The following DEPDC1B variants were observed in gnomAD, a reference collection of about 807,000 sequenced individuals.
The protein encoded by DEPDC1B is DEP domain-containing protein 1B.
In DEPDC1B, 51 loss-of-function variants were observed where a neutral mutation model predicts 66.5. The observed-to-expected ratio is 0.77, with a 90% CI of 0.61 to 0.97. DEPDC1B has a LOEUF of 0.97. Ranked by LOEUF, DEPDC1B falls within the 50% of genes least tolerant of loss-of-function variation. The probability of loss-of-function intolerance (pLI) is 0.00; values close to 1 mark genes in which losing one functional copy is unlikely to be tolerated. For synonymous variants in DEPDC1B, 226 were observed against 223.6 expected, an observed-to-expected ratio of 1.01 and a Z score of -0.10; for missense variants, 552 against 637.1, an observed-to-expected ratio of 0.87 and a Z score of 1.44.
chr5:60,698,046 T>C (rs1253176382), intron 1 of DEPDC1B, among the ~76,000 whole-genome samples: 1 of 152,156 alleles, frequency 6.6e-6, no homozygotes, highest in Non-Finnish European at 1.5e-5. Context: ...TTTAGTCTAA[T>C]GCAGGAAGAA....
At chr5:60,687,650 C>G (rs1754452726) in intron 1 of DEPDC1B, 1 of 156,854 alleles carries the variant, frequency 6.4e-6, no homozygotes, top group African/African-American at 2.4e-5. Context: ...CTCAGCCTCC[C>G]GAGTATCTGA....
At chr5:60,678,236 T>C (rs2112008466) in intron 2 of DEPDC1B, among the ~76,000 whole-genome samples, 1 of 152,248 alleles carries the variant, frequency 6.6e-6, no homozygotes. Context: ...CCGAAAACGC[T>C]CCTTCCTGCT....
chr5:60,657,764 T>G (rs1753611265), intron 2 of DEPDC1B, among the ~76,000 whole-genome samples: 1 of 152,230 alleles, frequency 6.6e-6, no homozygotes, highest in African/African-American at 2.4e-5. Flanking sequence ...GATGACTATG[T>G]GCCTAGGTGA....
At chr5:60,661,323 A>C (rs754242875) in intron 2 of DEPDC1B, among the ~76,000 whole-genome samples, 133 of 152,266 alleles carry the variant, frequency 8.7e-4, no homozygotes, top group Non-Finnish European at 1.4e-3. Context: ...AATGTAACTA[A>C]TCTGATAAGC....
chr5:60,615,739 G>C (rs1257320434), intron 7 of DEPDC1B, among the ~76,000 whole-genome samples: 1 of 152,194 alleles, frequency 6.6e-6, no homozygotes, highest in Admixed American at 6.5e-5. Flanking sequence ...AAACAAAAGG[G>C]AGCAATAACC....
chr5:60,633,630 G>GC (rs1483716746), intron 7 of DEPDC1B, among the ~76,000 whole-genome samples: 1 of 152,204 alleles, frequency 6.6e-6, no homozygotes, highest in Non-Finnish European at 1.5e-5. Flanking sequence ...CTGGGAGTGA[G>GC]CCCAGCTGAG....
chr5:60,698,176 C>T (rs1402452662), intron 1 of DEPDC1B, among the ~76,000 whole-genome samples: 2 of 152,154 alleles, frequency 1.3e-5, no homozygotes, highest in East Asian at 3.9e-4. Flanking sequence ...TTAGACTTAT[C>T]AATATTCTTG....
intron 7 of DEPDC1B, among the ~76,000 whole-genome samples, chr5:60,623,834 G>C (rs779668884): frequency 6.6e-6 from 1 of 152,048 alleles, no homozygotes; most frequent in Non-Finnish European, 1.5e-5. Flanking sequence ...TTTTGTTTTA[G>C]TTTTCCAATT....
At chr5:60,640,750 A>C (rs1442322227) in intron 6 of DEPDC1B, among the ~76,000 whole-genome samples, 1 of 152,192 alleles carries the variant, frequency 6.6e-6, no homozygotes, top group Non-Finnish European at 1.5e-5. Context: ...AAAAGGAGGC[A>C]ATAGGCCTTC....
At chr5:60,602,711 T>C (rs563541664) in intron 9 of DEPDC1B, among the ~76,000 whole-genome samples, 1 of 152,290 alleles carries the variant, frequency 6.6e-6, no homozygotes, top group Non-Finnish European at 1.5e-5. Context: ...AAATTCATCC[T>C]AGGAATTGTA....
intron 9 of DEPDC1B, among the ~76,000 whole-genome samples, chr5:60,599,733 T>G (rs1752164939): frequency 6.6e-6 from 1 of 152,232 alleles, no homozygotes; most frequent in South Asian, 2.1e-4. Flanking sequence ...AAAGACATGT[T>G]CATGCTGCAG....
At chr5:60,651,741 A>AAACAG (rs1289633889) in intron 2 of DEPDC1B, among the ~76,000 whole-genome samples, 1 of 152,132 alleles carries the variant, frequency 6.6e-6, no homozygotes, top group Non-Finnish European at 1.5e-5. Context: ...AGTTGTTGTG[A>AAACAG]AACAGTATGG....
intron 2 of DEPDC1B, among the ~76,000 whole-genome samples, chr5:60,667,213 C>T (rs572733063): frequency 2.0e-5 from 3 of 152,062 alleles, no homozygotes; most frequent in Non-Finnish European, 4.4e-5. Context: ...ATTAAGACCA[C>T]ACAACATAAA....
In DEPDC1B at chr5:60,638,172, C is replaced by T. The variant is rs111248698; in HGVS notation, c.898+578G>A. ...TTCCAAGAAGAAAGGAATATCGGAA[C>T]GAACTATAACAATATTGTTGATTTT... On this transcript the variant is annotated intron_variant, in intron 7 of 10. Transcript: ENST00000265036. 1.7e-3 allele frequency among the ~76,000 whole-genome samples: 259 copies of T among 152,224 alleles called. 3 individuals carry two copies. The highest frequency in any genetic ancestry group is 6.1e-3 in the African/African-American group (253 of 41,530).
intron 1 of DEPDC1B, 47 bp downstream of exon 1, chr5:60,699,999 G>A: frequency 1.3e-6 from 2 of 1,544,330 alleles, no homozygotes; most frequent in Non-Finnish European, 1.7e-6. Context: ...CTGAGTGGGG[G>A]CTCGCGGCAC....
chr5:60,677,436 T>C (rs1232433437), intron 2 of DEPDC1B, among the ~76,000 whole-genome samples: 1 of 151,938 alleles, frequency 6.6e-6, no homozygotes. Context: ...CTGCCACGGA[T>C]TGGAAAACAT....
At chr5:60,679,041 A>C (rs1283908664) in intron 2 of DEPDC1B, among the ~76,000 whole-genome samples, 1 of 152,184 alleles carries the variant, frequency 6.6e-6, no homozygotes, top group Non-Finnish European at 1.5e-5. Context: ...TCTATGATCC[A>C]CTTTGAACTA....
chr5:60,637,192 T>C (rs1318518831), intron 7 of DEPDC1B, among the ~76,000 whole-genome samples: 1 of 152,164 alleles, frequency 6.6e-6, no homozygotes, highest in Admixed American at 6.5e-5. Context: ...CCAAATCTCA[T>C]GTTGAAAGGT....
In DEPDC1B at chr5:60,644,785, A is replaced by G. The variant is rs1258436479; in HGVS notation, c.669T>C (p.Ser223=). 26 of 1,608,358 alleles carry G rather than the reference A, an allele frequency of 1.6e-5. No homozygotes were observed. The highest frequency in any genetic ancestry group is 1.6e-4 in the Middle Eastern group (1 of 6,062). The change falls in exon 5 of 11, where the codon AGT becomes AGC. Residue 223 remains serine, a synonymous_variant. Coordinates refer to ENST00000265036, the MANE Select transcript of DEPDC1B (RefSeq NM_018369.3). ...NSKFIIHNVY[S]VSKQGVVILD... ...GAATAACAACTCCCTGCTTGCTAAC[A>G]CTATATACATTATGGATGATGAACT...
Sources: allele counts gnomAD v4.1 joint callset (sites outside exome capture counted in the v4.1 genomes callset), GRCh38; gene constraint gnomAD v4.1.1; transcripts MANE v1.5; gene names NCBI Gene and HGNC (gene_info 2026-07-23, HGNC 2026-07-21).